TPCN1: variants seen among roughly 807,000 people sequenced by gnomAD.
The protein encoded by TPCN1 is two pore segment channel 1.
Under a neutral mutation model 108.8 loss-of-function variants are expected in TPCN1, and 52 were observed. That is an observed-to-expected ratio of 0.48 (90% CI 0.38 to 0.60). The LOEUF (loss-of-function observed/expected upper bound fraction) is 0.60. Among genes scored for constraint, TPCN1 ranks in the 20% least tolerant of loss-of-function variants. The pLI is 0.00. For missense variants in TPCN1, 806 were observed against 1,072.8 expected, an observed-to-expected ratio of 0.75 and a Z score of 3.47; for synonymous variants, 446 against 433.7, an observed-to-expected ratio of 1.03 and a Z score of -0.35.
chr12:113,293,212 C>T (rs963323153), intron 26 of TPCN1, 57 bp from the exon 27 acceptor site: 3 of 1,605,826 alleles, frequency 1.9e-6, no homozygotes, highest in Non-Finnish European at 2.6e-6. Context: ...AACTGTGGCA[C>T]CAGGGGTGGG....
intron 2 of TPCN1, among the ~76,000 whole-genome samples, chr12:113,238,252 C>T (rs772717889): frequency 2.0e-5 from 3 of 152,128 alleles, no homozygotes; most frequent in Non-Finnish European, 4.4e-5. Flanking sequence ...ATCTCTTTGC[C>T]CACATATTTT....
chr12:113,269,698 G>T lies in TPCN1; in HGVS notation c.660-59G>T, dbSNP rs1955415909. 5 of 1,441,140 alleles carry T rather than the reference G, an allele frequency of 3.5e-6. No individual in the cohort carries two copies. In the South Asian group the frequency reaches 5.8e-5, roughly 17 times the overall value. 89.3% of individuals were successfully genotyped at this position (1,441,140 alleles called of 1,614,324 possible). A position where few individuals can be genotyped will look rare whatever the true frequency, so the allele number is the denominator to read the frequency against. ...ACTAGGCCTCCATCTCAACAAGGAGGAGTCCCAGGCAGCCCGCCCCAGCTG... is the reference window on the plus strand; with the variant it reads ...ACTAGGCCTCCATCTCAACAAGGAGTAGTCCCAGGCAGCCCGCCCCAGCTG... On this transcript the variant is annotated intron_variant, in intron 6 of 27. Transcript: ENST00000335509. The surrounding 1 kb of genome is among the most constrained non-coding windows in gnomAD (Gnocchi z 5.0).
chr12:113,286,033 C>T, intron 18 of TPCN1, 72 bp downstream of exon 18: 1 of 1,349,072 alleles, frequency 7.4e-7, no homozygotes. Context: ...CTCTGCACAC[C>T]CTGATCCCGG....
rs150966068 is a variant in TPCN1 at position 113,238,847 on chromosome 12, G to A, written c.112+11883G>A. Among the ~76,000 whole-genome samples, 50 of 152,228 alleles carry A rather than the reference G, an allele frequency of 3.3e-4. 1 individual carries two copies. In the Middle Eastern group the frequency reaches 0.014, roughly 41 times the overall value. The stretch of plus-strand genomic sequence containing the variant: ...GAATTAGGTAATTTAAAATACGGGT[G>A]GGAGCCAGGCGCAGTGGTTCACCCT... On this transcript the variant is annotated intron_variant, in intron 2 of 27. Transcript: ENST00000335509.
At chr12:113,233,643 G>A (rs1205548246) in intron 2 of TPCN1, among the ~76,000 whole-genome samples, 2 of 152,224 alleles carry the variant, frequency 1.3e-5, no homozygotes, top group African/African-American at 2.4e-5. Flanking sequence ...GTATGCCTGG[G>A]GAGAGGATGT....
chr12:113,241,947 T>C (rs1954154373), intron 2 of TPCN1, among the ~76,000 whole-genome samples: 2 of 152,102 alleles, frequency 1.3e-5, no homozygotes, highest in Admixed American at 1.3e-4. Flanking sequence ...ATAAACCCAG[T>C]GGCATGGGAG....
At chr12:113,253,109 G>A (rs1432934995) in intron 2 of TPCN1, among the ~76,000 whole-genome samples, 2 of 152,164 alleles carry the variant, frequency 1.3e-5, no homozygotes, top group South Asian at 2.1e-4. Context: ...TTCTCACTAG[G>A]AGCATGACCC....
chr12:113,235,252 C>T (rs1053113354), intron 2 of TPCN1, among the ~76,000 whole-genome samples: 8 of 152,276 alleles, frequency 5.3e-5, no homozygotes, highest in East Asian at 3.9e-4. Context: ...AGCAGGTGGG[C>T]GCATCTCCCA....
intron 27 of TPCN1, 67 bp from the exon 28 acceptor site, chr12:113,295,893 C>A (rs1177144947): frequency 6.1e-6 from 9 of 1,474,812 alleles, no homozygotes; most frequent in Middle Eastern, 2.4e-4. Context: ...GGCTGTGTGA[C>A]CTTGTGGGGT....
chr12:113,247,628 G>A (rs1406628307), intron 2 of TPCN1, among the ~76,000 whole-genome samples: 2 of 152,242 alleles, frequency 1.3e-5, no homozygotes, highest in African/African-American at 4.8e-5. Flanking sequence ...CGTCTTGGCT[G>A]GTACAGCTGC....
intron 2 of TPCN1, among the ~76,000 whole-genome samples, chr12:113,250,239 C>T (rs986529757): frequency 6.6e-6 from 1 of 152,196 alleles, no homozygotes; most frequent in East Asian, 1.9e-4. Flanking sequence ...GGCAGCTGGG[C>T]CCTGCTCAGA....
chr12:113,270,859 AC>A (rs1051045441), intron 7 of TPCN1, among the ~76,000 whole-genome samples: 2 of 151,972 alleles, frequency 1.3e-5, no homozygotes, highest in African/African-American at 4.8e-5. Flanking sequence ...CACAGCCGCC[AC>A]CTCCTAACAC....
intron 12 of TPCN1, 50 bp from the exon 13 acceptor site, chr12:113,278,139 A>G (rs1955735684): frequency 6.5e-7 from 1 of 1,541,146 alleles, no homozygotes; most frequent in Non-Finnish European, 9.0e-7. Context: ...AGCAAAGCAC[A>G]GTGGAACTAT....
At chr12:113,264,125 C>A (rs1177583656) in intron 3 of TPCN1, among the ~76,000 whole-genome samples, 1 of 152,120 alleles carries the variant, frequency 6.6e-6, no homozygotes, top group East Asian at 1.9e-4. Context: ...TGTGTGTGGC[C>A]CCCTGCCCAC....
chr12:113,230,315 G>A (rs1362064651), intron 2 of TPCN1, among the ~76,000 whole-genome samples: 3 of 122,568 alleles, frequency 2.4e-5, no homozygotes, highest in Non-Finnish European at 3.3e-5. Flanking sequence ...TTGAGGTGGA[G>A]TATCACTCTG....
rs548624164 is a variant in TPCN1, at chr12:113,269,055, G to A, written c.659+183G>A. ...CACAGGAGAAAGCGGTATTCCTACCGCAGTGTAGGTTTGCTGCCTCTGGGT... is the reference window on the plus strand; with the variant it reads ...CACAGGAGAAAGCGGTATTCCTACCACAGTGTAGGTTTGCTGCCTCTGGGT... On this transcript the variant is annotated intron_variant, in intron 6 of 27. Transcript: ENST00000335509. This position sits in a 1 kb window ranked among gnomAD's most constrained non-coding sequence, Gnocchi z 5.0. Among the ~76,000 whole-genome samples the A allele has an allele frequency of 5.3e-5, 8 of 152,170 alleles. No homozygotes were observed. The highest frequency in any genetic ancestry group is 1.3e-4 in the Admixed American group (2 of 15,282).
chr12:113,266,340 T>C lies in TPCN1; in HGVS notation c.398T>C (p.Leu133Pro). 1 of 1,608,180 alleles carries C rather than the reference T, an allele frequency of 6.2e-7. No homozygotes were observed. Among genetic ancestry groups the C allele is most frequent in the Non-Finnish European group, 8.5e-7 (1 of 1,179,966 alleles). Residue 133 changes from leucine (L) to proline (P), a missense_variant, in exon 4 of 28, where the codon CTC becomes CCC. By Grantham distance (98) the Leu-to-Pro change is moderately conservative. Coordinates refer to ENST00000335509, the MANE Select transcript of TPCN1 (RefSeq NM_017901.6). The surrounding 1 kb of genome is among the most constrained non-coding windows in gnomAD (Gnocchi z 4.2). ...TGCGAGGCCCCCGCCGTCCCCGCACTCCGGCTTGGCATCTATGTGAGCGCA... is the reference window on the plus strand; with the variant it reads ...TGCGAGGCCCCCGCCGTCCCCGCACCCCGGCTTGGCATCTATGTGAGCGCA... ...SLCEAPAVPA[L>P]RLGIYVHATL...
intron 12 of TPCN1, among the ~76,000 whole-genome samples, chr12:113,277,723 G>T (rs1201312814): frequency 6.6e-6 from 1 of 152,140 alleles, no homozygotes; most frequent in Non-Finnish European, 1.5e-5. Flanking sequence ...TGGCTCGGCC[G>T]CAGAGAACTG....
At chr12:113,279,485 G>A (rs569617112) in intron 14 of TPCN1, among the ~76,000 whole-genome samples, 4 of 134,514 alleles carry the variant, frequency 3.0e-5, no homozygotes, top group African/African-American at 5.6e-5. Flanking sequence ...TGCAACCTCC[G>A]CCTCCCAGAT....
Sources: gnomAD v4.1 joint callset for allele counts (sites outside exome capture counted in the v4.1 genomes callset) on GRCh38, gnomAD v4.1.1 for gene constraint, Gnocchi (gnomAD v3.1) non-coding constraint, MANE v1.5 for transcripts, NCBI Gene and HGNC (gene_info 2026-07-23, HGNC 2026-07-21) for gene names.